SHROOM3: variants seen among roughly 807,000 people sequenced by gnomAD.
SHROOM3 encodes protein Shroom3.
SHROOM3 carries 47 observed loss-of-function variants against 138.6 expected under a neutral mutation model. The observed-to-expected ratio is 0.34, with a 90% CI of 0.27 to 0.43. The LOEUF is 0.43. Ranked by LOEUF, SHROOM3 falls within the 20% of genes least tolerant of loss-of-function variation. The pLI, the probability that SHROOM3 is intolerant of heterozygous loss-of-function variation, is 1.00. For missense variants in SHROOM3, 2,491 were observed against 2,596.5 expected (o/e 0.96, Z 0.88); for synonymous variants, 1,062 against 1,063.3 (o/e 1.00, Z 0.02).
chr4:76,617,535 A>G (rs1163991956), intron 2 of SHROOM3, among the ~76,000 whole-genome samples: 1 of 152,226 alleles, frequency 6.6e-6, no homozygotes, highest in African/African-American at 2.4e-5. Context: ...ATCTAAGGAA[A>G]TTTACTTTTG....
At chr4:76,673,310 A>C (rs7677054) in intron 2 of SHROOM3, among the ~76,000 whole-genome samples, 48,505 of 152,044 alleles carry the variant, frequency 0.32, 7,968 homozygotes, top group East Asian at 0.43. Flanking sequence ...ATATAGTCTT[A>C]TTTGGGTCTT....
rs555634961 is a variant in SHROOM3, at chr4:76,622,559, G to T, written c.323+66796G>T. Among the ~76,000 whole-genome samples, 61 of 151,660 alleles carry T rather than the reference G, an allele frequency of 4.0e-4. 1 individual carries two copies. In the South Asian group the frequency reaches 0.012, roughly 30 times the overall value. On this transcript the variant is annotated intron_variant, in intron 2 of 10. Transcript: ENST00000296043. ...TTCCATTTCTCACAAGCAGATAAAG[G>T]CTCTTTCACTTTCCAGAACCCTCTT...
chr4:76,452,148 GT>G (rs1465119734), intron 1 of SHROOM3, among the ~76,000 whole-genome samples: 1 of 152,164 alleles, frequency 6.6e-6, no homozygotes, highest in Admixed American at 6.6e-5. Context: ...AGTGAAATAA[GT>G]TTACTTCAGA....
intron 1 of SHROOM3, among the ~76,000 whole-genome samples, chr4:76,484,715 G>A (rs1731693067): frequency 6.6e-6 from 1 of 152,144 alleles, no homozygotes; most frequent in Non-Finnish European, 1.5e-5. Context: ...TGGATGTTTT[G>A]TGGCAACTTG....
At chr4:76,754,237 A>G (rs1223362041) in intron 6 of SHROOM3, 74 bp from the exon 7 acceptor site, 4 of 1,579,058 alleles carry the variant, frequency 2.5e-6, no homozygotes, top group Non-Finnish European at 3.5e-6. Context: ...TTTCTCATCT[A>G]TGTAAGGAGC....
At chr4:76,496,652 A>G (rs1731974046) in intron 1 of SHROOM3, among the ~76,000 whole-genome samples, 1 of 152,088 alleles carries the variant, frequency 6.6e-6, no homozygotes. Context: ...AATCATCTCA[A>G]TGACCCAGGC....
At chr4:76,473,595 C>T (rs1232974000) in intron 1 of SHROOM3, among the ~76,000 whole-genome samples, 2 of 151,734 alleles carry the variant, frequency 1.3e-5, no homozygotes, top group Non-Finnish European at 2.9e-5. Context: ...GGCAACAGAG[C>T]AAGACTCTGT....
intron 1 of SHROOM3, among the ~76,000 whole-genome samples, chr4:76,505,823 TTTA>T (rs1379935194): frequency 6.6e-6 from 1 of 151,820 alleles, no homozygotes; most frequent in African/African-American, 2.4e-5. Context: ...GCCTGGCTAA[TTTA>T]TTATTATTAT....
chr4:76,685,593 A>T (rs1719313436), intron 2 of SHROOM3, among the ~76,000 whole-genome samples: 1 of 152,236 alleles, frequency 6.6e-6, no homozygotes, highest in African/African-American at 2.4e-5. Context: ...ATTGTTTTTC[A>T]CATCAAAGCT....
intron 2 of SHROOM3, among the ~76,000 whole-genome samples, chr4:76,602,653 G>A (rs1734530290): frequency 6.6e-6 from 1 of 152,076 alleles, no homozygotes; most frequent in South Asian, 2.1e-4. Flanking sequence ...TCCAGCCCTA[G>A]GAAAACAAAT....
chr4:76,573,441 G>T (rs1577894227), intron 2 of SHROOM3: 1 of 150,222 alleles, frequency 6.7e-6, no homozygotes, highest in Non-Finnish European at 1.5e-5. Flanking sequence ...TTTATTCCTG[G>T]CCAAGTTAAA....
chr4:76,643,313 T>G (rs1459173961), intron 2 of SHROOM3, among the ~76,000 whole-genome samples: 1 of 151,846 alleles, frequency 6.6e-6, no homozygotes, highest in Non-Finnish European at 1.5e-5. Context: ...GCTCAATTCA[T>G]CCTCAGAACA....
rs1211107585 is a variant in SHROOM3, at chr4:76,779,368, C to T, written c.*191C>T. ...CTTCCTGATTGATCTTCTGAGAGCT[C>T]GAATGCTGCTGGACACGTACCCCTT... On this transcript the variant is annotated 3_prime_UTR_variant, in exon 11 of 11. Coordinates refer to ENST00000296043, the MANE Select transcript of SHROOM3 (RefSeq NM_020859.4). The T allele has an allele frequency of 1.5e-5, 10 of 665,280 alleles. No homozygotes were observed. The highest frequency in any genetic ancestry group is 2.8e-5 in the East Asian group (1 of 35,354). The allele number at this position is 665,280 out of a possible 1,614,324, so 41.2% of individuals were successfully genotyped here. A position where few individuals can be genotyped will look rare whatever the true frequency, so the allele number is the denominator to read the frequency against.
intron 8 of SHROOM3, among the ~76,000 whole-genome samples, 192 bp from the exon 9 acceptor site, chr4:76,759,353 C>G (rs1463683308): frequency 6.6e-6 from 1 of 152,194 alleles, no homozygotes; most frequent in Admixed American, 6.5e-5. Flanking sequence ...GGTTTTCCAT[C>G]CCAAGTTTGC....
chr4:76,437,687 A>T (rs1318884766), intron 1 of SHROOM3, among the ~76,000 whole-genome samples: 1 of 152,222 alleles, frequency 6.6e-6, no homozygotes, highest in Non-Finnish European at 1.5e-5. Flanking sequence ...GGTTTCTACA[A>T]TAAGGACCTA....
intron 1 of SHROOM3, among the ~76,000 whole-genome samples, chr4:76,469,521 A>G (rs1325367874): frequency 6.6e-6 from 1 of 151,974 alleles, no homozygotes; most frequent in Non-Finnish European, 1.5e-5. Context: ...CAGTGGCGCA[A>G]TCTCAGCTCA....
rs1487169041 is a variant in SHROOM3, at chr4:76,782,894, G to T, written c.*3717G>T. The T allele has an allele frequency of 6.6e-6, 1 of 152,196 alleles. No individual in the cohort carries two copies. The highest frequency in any genetic ancestry group is 1.9e-4 in the East Asian group (1 of 5,198). The allele number at this position is 152,196 out of a possible 1,614,324, so 9.4% of individuals were successfully genotyped here. A position where few individuals can be genotyped will look rare whatever the true frequency, so the allele number is the denominator to read the frequency against. On this transcript the variant is annotated 3_prime_UTR_variant, in exon 11 of 11. Transcript: ENST00000296043. ...GACCATTTTAATATCAGAAAGGGTT[G>T]TCTTATTAATTTTTAAATAAAACTT...
At chr4:76,549,566 A>C (rs537776990) in intron 1 of SHROOM3, among the ~76,000 whole-genome samples, 142 of 152,098 alleles carry the variant, frequency 9.3e-4, no homozygotes, top group African/African-American at 3.1e-3. Context: ...ACGGGGTTTC[A>C]CCATGTTGGT....
rs1009787407 is a variant in SHROOM3 at position 76,606,886 on chromosome 4, C to T, written c.323+51123C>T. 7.2e-5 allele frequency among the ~76,000 whole-genome samples: 11 copies of T among 152,164 alleles called. 2 individuals are homozygous for T. In the South Asian group the frequency reaches 2.3e-3, roughly 32 times the overall value. On this transcript the variant is annotated intron_variant, in intron 2 of 10. Coordinates refer to ENST00000296043, the MANE Select transcript of SHROOM3 (RefSeq NM_020859.4). ...GCTGTAGCAGCTTGTAGAAAGTGGT[C>T]TTGGTATGCTAAACTCTACTCTGAC...
Sources: gnomAD v4.1 joint callset for allele counts (sites outside exome capture counted in the v4.1 genomes callset) on GRCh38, gnomAD v4.1.1 for gene constraint, MANE v1.5 for transcripts, NCBI Gene and HGNC (gene_info 2026-07-23, HGNC 2026-07-21) for gene names.